Variants in XPO6 observed in about 807,000 individuals in gnomAD.
The protein encoded by XPO6 is exportin-6.
In XPO6, 3 loss-of-function variants were observed where a neutral mutation model predicts 130.0. The ratio of observed to expected loss-of-function variants is 0.02; its 90% CI spans 0.01 to 0.06. XPO6 has a LOEUF of 0.06. Among genes scored for constraint, XPO6 ranks in the 10% least tolerant of loss-of-function variants. The pLI is 1.00. For missense variants in XPO6, 970 were observed against 1,393.0 expected (o/e 0.70, Z 4.83); for synonymous variants, 524 against 548.9 (o/e 0.95, Z 0.63).
intron 4 of XPO6, among the ~76,000 whole-genome samples, chr16:28,171,195 G>A (rs1291813669): frequency 6.6e-6 from 1 of 151,724 alleles, no homozygotes; most frequent in Non-Finnish European, 1.5e-5. Context: ...GTACGGGCTG[G>A]GCGTGGTGGC....
intron 17 of XPO6, among the ~76,000 whole-genome samples, chr16:28,107,897 A>C (rs2141240203): frequency 6.6e-6 from 1 of 152,194 alleles, no homozygotes; most frequent in South Asian, 2.1e-4. Context: ...GAAGCCTGGA[A>C]TGTGTGTTGG....
intron 1 of XPO6, chr16:28,183,373 T>C (rs1465571796): frequency 1.4e-5 from 2 of 147,272 alleles, no homozygotes; most frequent in African/African-American, 5.0e-5. Context: ...CAGTTACAGA[T>C]CCAACTCCTT....
intron 8 of XPO6, among the ~76,000 whole-genome samples, chr16:28,151,901 C>T (rs2043097799): frequency 6.6e-6 from 1 of 152,124 alleles, no homozygotes; most frequent in Non-Finnish European, 1.5e-5. Flanking sequence ...CACACACCAA[C>T]AGGCACGGGG....
At chr16:28,118,480 C>T (rs2087130980) in intron 14 of XPO6, among the ~76,000 whole-genome samples, 1 of 152,054 alleles carries the variant, frequency 6.6e-6, no homozygotes, top group Non-Finnish European at 1.5e-5. Context: ...CCTGCTTCAG[C>T]CTCCCAAGTA....
chr16:28,141,349 A>T (rs2042887957), intron 9 of XPO6, among the ~76,000 whole-genome samples: 1 of 152,020 alleles, frequency 6.6e-6, no homozygotes, highest in South Asian at 2.1e-4. Flanking sequence ...TACACAGGTG[A>T]CTCCCTTCAC....
chr16:28,195,523 C>T (rs113027532), intron 1 of XPO6, among the ~76,000 whole-genome samples: 8,856 of 152,182 alleles, frequency 0.058, 844 homozygotes, highest in African/African-American at 0.2. Flanking sequence ...GAGGCTGAGG[C>T]GGGCGGACCA....
chr16:28,163,636 G>A (rs1473223884), intron 6 of XPO6, among the ~76,000 whole-genome samples: 1 of 152,210 alleles, frequency 6.6e-6, no homozygotes, highest in Non-Finnish European at 1.5e-5. Flanking sequence ...TTTATCCTCA[G>A]AGGAAGCTAT....
chr16:28,209,041 T>C (rs1052732674), intron 1 of XPO6: 1 of 152,212 alleles, frequency 6.6e-6, no homozygotes, highest in African/African-American at 2.4e-5. Context: ...ACCACACGGA[T>C]GAAGCTTGAG....
intron 9 of XPO6, among the ~76,000 whole-genome samples, chr16:28,138,934 C>A (rs553320148): frequency 6.6e-6 from 1 of 152,262 alleles, no homozygotes; most frequent in South Asian, 2.1e-4. Context: ...AGAAGACAAT[C>A]GACAGATGCC....
intron 1 of XPO6, among the ~76,000 whole-genome samples, chr16:28,186,146 T>G (rs1166858965): frequency 1.3e-5 from 2 of 152,096 alleles, no homozygotes; most frequent in Admixed American, 6.5e-5. Context: ...TTCTTCCCCA[T>G]ATTCTCCATC....
At position 28,100,437 on chromosome 16, in the gene XPO6, G is replaced by C. The variant is rs751805667; in HGVS notation, c.3276+1021C>G. 2.6e-5 allele frequency among the ~76,000 whole-genome samples: 4 copies of C among 152,344 alleles called. No individual in the cohort carries two copies. In the South Asian group the frequency reaches 8.3e-4, roughly 32 times the overall value. On this transcript the variant is annotated intron_variant, in intron 23 of 23. Transcript: ENST00000304658. ...CTGAAGTGAACTGGAAGAGGCTTAGGAGAGAACAAGTCCCAAGAAAAGGAA... is the reference window on the plus strand; with the variant it reads ...CTGAAGTGAACTGGAAGAGGCTTAGCAGAGAACAAGTCCCAAGAAAAGGAA...
intron 11 of XPO6, among the ~76,000 whole-genome samples, chr16:28,133,477 G>A (rs1333649984): frequency 2.0e-5 from 3 of 152,164 alleles, no homozygotes; most frequent in South Asian, 2.1e-4. Context: ...ATAGACACAC[G>A]CAGAGAAAGC....
At chr16:28,140,694 T>A (rs11446915) in intron 9 of XPO6, among the ~76,000 whole-genome samples, 2,444 of 83,386 alleles carry the variant, frequency 0.029, 35 homozygotes, top group Middle Eastern at 0.052. Flanking sequence ...AAAAAAAAAA[T>A]TTTTTTTGAG....
At chr16:28,147,830 C>T (rs1264500008) in intron 8 of XPO6, among the ~76,000 whole-genome samples, 2 of 152,182 alleles carry the variant, frequency 1.3e-5, no homozygotes, top group Admixed American at 6.5e-5. Context: ...GCCTGTGATC[C>T]CAGCTACTCG....
chr16:28,126,023 C>T (rs1239422240), intron 12 of XPO6, among the ~76,000 whole-genome samples, 175 bp from the exon 13 acceptor site: 1 of 152,178 alleles, frequency 6.6e-6, no homozygotes, highest in Non-Finnish European at 1.5e-5. Flanking sequence ...GCCCGGTATC[C>T]ACCTAACACT....
At chr16:28,111,721 T>C (rs922157378) in intron 17 of XPO6, 96 bp downstream of exon 17, 48 of 1,427,738 alleles carry the variant, frequency 3.4e-5, no homozygotes, top group Non-Finnish European at 4.3e-5. Context: ...ACAAAAAAAA[T>C]TTACCTCAGG....
At chr16:28,166,058 A>G (rs1030362161) in intron 6 of XPO6, among the ~76,000 whole-genome samples, 3 of 152,060 alleles carry the variant, frequency 2.0e-5, no homozygotes, top group Non-Finnish European at 4.4e-5. Flanking sequence ...CATAGTCTCC[A>G]CTATGCAGGC....
chr16:28,189,783 C>T (rs1324984660), intron 1 of XPO6, among the ~76,000 whole-genome samples: 1 of 152,188 alleles, frequency 6.6e-6, no homozygotes, highest in Non-Finnish European at 1.5e-5. Context: ...TTCACACAGA[C>T]ATTTAATATT....
intron 23 of XPO6, among the ~76,000 whole-genome samples, chr16:28,099,940 G>GA (rs1182220917): frequency 1.3e-5 from 2 of 152,192 alleles, no homozygotes; most frequent in African/African-American, 2.4e-5. Context: ...GTAGAACACA[G>GA]AAGTCTGTTT....
Sources: gnomAD v4.1 joint callset for allele counts (sites outside exome capture counted in the v4.1 genomes callset) on GRCh38, gnomAD v4.1.1 for gene constraint, MANE v1.5 for transcripts, NCBI Gene and HGNC (gene_info 2026-07-23, HGNC 2026-07-21) for gene names.